Variants in CNBD1 observed in about 807,000 individuals in gnomAD.
CNBD1 encodes the protein cyclic nucleotide-binding domain-containing protein 1.
Under a neutral mutation model 54.4 loss-of-function variants are expected in CNBD1, and 71 were observed. The observed-to-expected ratio is 1.30, with a 90% CI of 1.08 to 1.59. The LOEUF is 1.59. Ranked by LOEUF, CNBD1 falls within the 40% of genes most tolerant of loss-of-function variation. The pLI, the probability that CNBD1 is intolerant of heterozygous loss-of-function variation, is 0.00. For missense variants in CNBD1, 659 were observed against 518.0 expected, an observed-to-expected ratio of 1.27 and a Z score of -2.64; for synonymous variants, 182 against 170.7, an observed-to-expected ratio of 1.07 and a Z score of -0.51.
chr8:86,885,088 G>A (rs1176096490), intron 1 of CNBD1, among the ~76,000 whole-genome samples: 2 of 152,094 alleles, frequency 1.3e-5, no homozygotes. Flanking sequence ...TTTTTGCAAA[G>A]GGTATTTATA....
chr8:86,983,951 A>G (rs1020669116), intron 4 of CNBD1, among the ~76,000 whole-genome samples: 1 of 152,206 alleles, frequency 6.6e-6, no homozygotes, highest in African/African-American at 2.4e-5. Flanking sequence ...GCATTTGTTC[A>G]TCACCAAAAC....
intron 4 of CNBD1, among the ~76,000 whole-genome samples, chr8:87,109,219 C>A (rs1811606255): frequency 6.6e-6 from 1 of 152,008 alleles, no homozygotes; most frequent in South Asian, 2.1e-4. Flanking sequence ...AGATTAAACC[C>A]TAAGTGTATC....
At chr8:87,296,804 G>T (rs1438775630) in intron 8 of CNBD1, among the ~76,000 whole-genome samples, 1 of 152,124 alleles carries the variant, frequency 6.6e-6, no homozygotes, top group East Asian at 1.9e-4. Flanking sequence ...GTTTGAGGAA[G>T]TATCTTAGGC....
At chr8:86,907,212 C>A (rs1356452381) in intron 3 of CNBD1, among the ~76,000 whole-genome samples, 7 of 152,146 alleles carry the variant, frequency 4.6e-5, no homozygotes, top group Non-Finnish European at 1.0e-4. Context: ...ACAGGCCCAG[C>A]AGGAGATTCA....
intron 4 of CNBD1, among the ~76,000 whole-genome samples, chr8:87,005,647 T>C (rs1416171383): frequency 6.6e-6 from 1 of 151,892 alleles, no homozygotes; most frequent in Non-Finnish European, 1.5e-5. Context: ...GTGCCAGACA[T>C]GTTAAACAGG....
intron 4 of CNBD1, among the ~76,000 whole-genome samples, chr8:86,950,435 A>C (rs911299236): frequency 6.6e-6 from 1 of 152,088 alleles, no homozygotes. Flanking sequence ...TGTTGATATG[A>C]TGTATCACAT....
intron 3 of CNBD1, among the ~76,000 whole-genome samples, chr8:86,925,924 AAGAGTGAAAGGACAAAGCTTCCAC>A (rs1563824244): frequency 6.6e-6 from 1 of 152,040 alleles, no homozygotes. Flanking sequence ...GTTTATTGCG[AAGAGTGAAAGGACAAAGCTTCCAC>A]AGGGTAAAAG....
chr8:87,265,664 C>G (rs1013498615), intron 6 of CNBD1, among the ~76,000 whole-genome samples: 1 of 152,028 alleles, frequency 6.6e-6, no homozygotes, highest in Non-Finnish European at 1.5e-5. Context: ...GCTGCAGTCT[C>G]TTTTTCTTAA....
rs187956454 is a variant in CNBD1, at chr8:87,405,728, A to T, written c.214-22818A>T. On this transcript the variant is annotated intron_variant, in intron 2 of 7. Coordinates refer to the CNBD1 transcript ENST00000521593. ...CCTAGGATATGAGCATTTCTTTGGCATGAAATGTGACTAACAATGCCGATA... is the reference window on the plus strand; with the variant it reads ...CCTAGGATATGAGCATTTCTTTGGCTTGAAATGTGACTAACAATGCCGATA... Among the ~76,000 whole-genome samples, 485 of 152,270 alleles carry T rather than the reference A, an allele frequency of 3.2e-3. 2 individuals carry two copies. Among genetic ancestry groups the T allele is most frequent in the African/African-American group, 0.011 (453 of 41,566 alleles).
chr8:87,351,570 G>C (rs1355686109), intron 8 of CNBD1, 115 bp from the exon 9 acceptor site: 3 of 992,324 alleles, frequency 3.0e-6, no homozygotes, highest in Non-Finnish European at 4.1e-6. Context: ...AATCTATTAA[G>C]AAACTTACTA....
intron 4 of CNBD1, among the ~76,000 whole-genome samples, chr8:87,194,077 A>G (rs1440384476): frequency 6.6e-6 from 1 of 152,126 alleles, no homozygotes; most frequent in African/African-American, 2.4e-5. Context: ...CATGAGCCTT[A>G]TTGTGAACTG....
At chr8:86,954,180 A>C (rs1383126425) in intron 4 of CNBD1, among the ~76,000 whole-genome samples, 2 of 152,216 alleles carry the variant, frequency 1.3e-5, no homozygotes, top group Non-Finnish European at 2.9e-5. Flanking sequence ...ATTGCATGAA[A>C]ATCTTGACAA....
At chr8:87,153,085 G>A (rs762805486) in intron 4 of CNBD1, among the ~76,000 whole-genome samples, 3 of 152,084 alleles carry the variant, frequency 2.0e-5, no homozygotes, top group Non-Finnish European at 2.9e-5. Context: ...CTGTATGCTC[G>A]CATATGTCTT....
chr8:87,331,542 T>G (rs894157475), intron 8 of CNBD1, among the ~76,000 whole-genome samples: 20 of 152,336 alleles, frequency 1.3e-4, no homozygotes, highest in African/African-American at 4.6e-4. Context: ...TGTATCTTTA[T>G]AATAGAATGA....
intron 6 of CNBD1, among the ~76,000 whole-genome samples, chr8:87,260,996 C>G (rs1445497803): frequency 6.6e-6 from 1 of 152,068 alleles, no homozygotes; most frequent in Non-Finnish European, 1.5e-5. Context: ...GGATAGAACA[C>G]AAAAATCCCT....
At chr8:87,192,189 T>C (rs2915519) in intron 4 of CNBD1, among the ~76,000 whole-genome samples, 59,747 of 151,920 alleles carry the variant, frequency 0.39, 13,394 homozygotes, top group Non-Finnish European at 0.5. Flanking sequence ...ATTCATAAAA[T>C]TATAATTTTT....
chr8:87,093,945 ACAGAG>A (rs1811267219), intron 4 of CNBD1, among the ~76,000 whole-genome samples: 1 of 152,160 alleles, frequency 6.6e-6, no homozygotes, highest in East Asian at 1.9e-4. Flanking sequence ...CTTTCTAGGA[ACAGAG>A]AACACAATAG....
chr8:87,331,431 A>G (rs1019926710), intron 8 of CNBD1, among the ~76,000 whole-genome samples: 2 of 152,166 alleles, frequency 1.3e-5, no homozygotes, highest in South Asian at 2.1e-4. Context: ...CATGGTGTAT[A>G]CATACCGCAT....
chr8:87,355,352 C>T (rs945520880), intron 10 of CNBD1, among the ~76,000 whole-genome samples: 1 of 152,000 alleles, frequency 6.6e-6, no homozygotes, highest in African/African-American at 2.4e-5. Flanking sequence ...AAGGTCATTG[C>T]TTTTATGTTT....
Sources: gnomAD v4.1 joint callset for allele counts (sites outside exome capture counted in the v4.1 genomes callset) on GRCh38, gnomAD v4.1.1 for gene constraint, MANE v1.5 for transcripts, NCBI Gene and HGNC (gene_info 2026-07-23, HGNC 2026-07-21) for gene names.